Variants in CPPED1 observed in about 807,000 individuals in gnomAD.
The protein encoded by CPPED1 is calcineurin like phosphoesterase domain containing 1.
A neutral mutation model predicts 28.0 loss-of-function variants in CPPED1; 28 were observed. That is an observed-to-expected ratio of 1.00 (90% CI 0.74 to 1.37). The LOEUF (loss-of-function observed/expected upper bound fraction) is 1.37. Ranked by LOEUF, CPPED1 falls within the 40% of genes most tolerant of loss-of-function variation. The probability of loss-of-function intolerance (pLI) is 0.00; values close to 1 mark genes in which losing one functional copy is unlikely to be tolerated. For synonymous variants in CPPED1, 198 were observed against 180.2 expected (o/e 1.10, Z -0.79); for missense variants, 504 against 416.5 (o/e 1.21, Z -1.83).
chr16:12,726,008 G>A (rs2080168103), intron 2 of CPPED1, among the ~76,000 whole-genome samples: 1 of 152,020 alleles, frequency 6.6e-6, no homozygotes, highest in Admixed American at 6.6e-5. Flanking sequence ...ACCAGCCAGG[G>A]CAACATAGGG....
chr16:12,728,605 A>G (rs1172653398), intron 2 of CPPED1, among the ~76,000 whole-genome samples: 1 of 152,220 alleles, frequency 6.6e-6, no homozygotes, highest in Non-Finnish European at 1.5e-5. Context: ...ACCACATGGC[A>G]GGCACTGAGC....
intron 2 of CPPED1, among the ~76,000 whole-genome samples, chr16:12,728,701 C>T (rs529819059): frequency 3.4e-4 from 52 of 152,286 alleles, no homozygotes; most frequent in African/African-American, 1.2e-3. Context: ...GCTGGGGCCT[C>T]TCCTTGTGCT....
rs912610704 is a variant in CPPED1 at position 12,695,787 on chromosome 16, C to G, written c.715+8837G>C. Among the ~76,000 whole-genome samples the G allele has an allele frequency of 2.6e-5, 4 of 152,214 alleles. 1 individual carries two copies. The South Asian group carries it at 6.2e-4, about 24-fold the overall frequency. On this transcript the variant is annotated intron_variant, in intron 3 of 3. Transcript: ENST00000381774. ...CACTTTCCTTTTTCTGCCCACAAAT[C>G]TCTCACCATTTGGCTGTGCTCGAGT...
intron 2 of CPPED1, among the ~76,000 whole-genome samples, chr16:12,707,917 C>G (rs370946360): frequency 1.3e-5 from 2 of 152,136 alleles, no homozygotes; most frequent in Admixed American, 6.5e-5. Context: ...GAGGCCTAGG[C>G]GGGCAGACAA....
chr16:12,766,867 G>A (rs925893681), intron 2 of CPPED1, among the ~76,000 whole-genome samples: 1 of 152,196 alleles, frequency 6.6e-6, no homozygotes, highest in African/African-American at 2.4e-5. Flanking sequence ...TCTCTGATCA[G>A]ACTGCCATAG....
chr16:12,766,256 T>TATATATATAGAG, intron 2 of CPPED1, among the ~76,000 whole-genome samples: 3 of 134,250 alleles, frequency 2.2e-5, no homozygotes, highest in African/African-American at 3.5e-5. Context: ...TATATATATA[T>TATATATATAGAG]AGAGAGAGAG....
chr16:12,792,808 G>A (rs1176674423), intron 1 of CPPED1, among the ~76,000 whole-genome samples: 2 of 152,084 alleles, frequency 1.3e-5, no homozygotes, highest in East Asian at 3.9e-4. Context: ...CTCTTCCTTT[G>A]TCTTCCCCCA....
At chr16:12,696,894 G>C (rs183859578) in intron 3 of CPPED1, among the ~76,000 whole-genome samples, 1 of 152,108 alleles carries the variant, frequency 6.6e-6, no homozygotes, top group African/African-American at 2.4e-5. Flanking sequence ...GCCAAATCCT[G>C]TCTGTTCACC....
intron 2 of CPPED1, among the ~76,000 whole-genome samples, chr16:12,737,696 G>A (rs2080233806): frequency 6.6e-6 from 1 of 152,252 alleles, no homozygotes; most frequent in Non-Finnish European, 1.5e-5. Flanking sequence ...TGAGGCTGCA[G>A]TGGTCAGAGG....
At chr16:12,793,502 C>T (rs1479833318) in intron 1 of CPPED1, among the ~76,000 whole-genome samples, 1 of 152,192 alleles carries the variant, frequency 6.6e-6, no homozygotes, top group African/African-American at 2.4e-5. Context: ...TTACCAGCTA[C>T]GTGACATGAT....
chr16:12,692,515 C>T (rs1239381024), intron 3 of CPPED1, among the ~76,000 whole-genome samples: 1 of 152,194 alleles, frequency 6.6e-6, no homozygotes, highest in Admixed American at 6.5e-5. Flanking sequence ...ATTATTTCAT[C>T]TGATCCCCAC....
At chr16:12,692,966 G>C (rs886968465) in intron 3 of CPPED1, among the ~76,000 whole-genome samples, 1 of 152,172 alleles carries the variant, frequency 6.6e-6, no homozygotes, top group African/African-American at 2.4e-5. Flanking sequence ...CCCTCACCTG[G>C]ACTTCCAACT....
At chr16:12,740,739 G>A (rs2080250942) in intron 2 of CPPED1, among the ~76,000 whole-genome samples, 1 of 152,194 alleles carries the variant, frequency 6.6e-6, no homozygotes, top group African/African-American at 2.4e-5. Context: ...AGGGGTGAAG[G>A]AGAGAATCCC....
chr16:12,761,335 T>A (rs922894483), intron 2 of CPPED1, among the ~76,000 whole-genome samples: 1 of 146,982 alleles, frequency 6.8e-6, no homozygotes, highest in African/African-American at 2.5e-5. Flanking sequence ...AGAGGAGAAG[T>A]TCTGAGTTTC....
At chr16:12,769,936 G>A (rs181614847) in intron 2 of CPPED1, among the ~76,000 whole-genome samples, 1 of 152,214 alleles carries the variant, frequency 6.6e-6, no homozygotes, top group African/African-American at 2.4e-5. Context: ...ACAACGCAAG[G>A]CTAATGACAC....
intron 2 of CPPED1, among the ~76,000 whole-genome samples, chr16:12,772,378 C>A (rs2080475051): frequency 6.6e-6 from 1 of 152,216 alleles, no homozygotes; most frequent in Admixed American, 6.5e-5. Flanking sequence ...CTTAGACGCA[C>A]TCTACTGATT....
chr16:12,724,614 C>T (rs2080159702), intron 2 of CPPED1, among the ~76,000 whole-genome samples: 1 of 152,200 alleles, frequency 6.6e-6, no homozygotes, highest in South Asian at 2.1e-4. Context: ...CTTGTGGTAT[C>T]TTATGCAAGA....
At chr16:12,735,369 G>A (rs1402418339) in intron 2 of CPPED1, among the ~76,000 whole-genome samples, 2 of 152,224 alleles carry the variant, frequency 1.3e-5, no homozygotes, top group Non-Finnish European at 2.9e-5. Context: ...TCGGCTCACT[G>A]CAAACTCCAC....
intron 2 of CPPED1, among the ~76,000 whole-genome samples, chr16:12,748,464 C>T (rs993546292): frequency 1.3e-4 from 20 of 152,142 alleles, no homozygotes; most frequent in African/African-American, 4.1e-4. Context: ...TAAAAGCATA[C>T]CTCAGAGATA....
Sources: gnomAD v4.1 joint callset for allele counts (sites outside exome capture counted in the v4.1 genomes callset) on GRCh38, gnomAD v4.1.1 for gene constraint, MANE v1.5 for transcripts, NCBI Gene and HGNC (gene_info 2026-07-23, HGNC 2026-07-21) for gene names.